USH1C: variants seen among roughly 807,000 people sequenced by gnomAD.
The protein encoded by USH1C is harmonin.
In USH1C, 90 loss-of-function variants were observed where a neutral mutation model predicts 119.3. That is an observed-to-expected ratio of 0.75 (90% CI 0.64 to 0.90). USH1C has a LOEUF of 0.90. Among genes scored for constraint, USH1C ranks in the 40% least tolerant of loss-of-function variants. USH1C has a pLI of 0.00. For missense variants in USH1C, 1,165 were observed against 1,167.7 expected, an observed-to-expected ratio of 1.00 and a Z score of 0.03; for synonymous variants, 465 against 443.3, an observed-to-expected ratio of 1.05 and a Z score of -0.62.
Position 17,520,918 on chromosome 11 carries a change from T to C in USH1C, c.1162A>G (p.Lys388Glu), listed in dbSNP as rs866125783. The part of the protein sequence containing the change: ...WGSKEQLLLP[K>E]TITAEVHPVP... ...GGGTGTACCTCAGCAGTGATGGTTT[T>C]AGGCAAGAGTAGCTGTTCCTTTGAG... Residue 388 changes from lysine (K) to glutamate (E), a missense_variant, in exon 14 of 27, where the codon AAA becomes GAA. Lys to Glu is a moderately conservative substitution (Grantham distance 56). Coordinates refer to ENST00000005226, the MANE Select transcript of USH1C (RefSeq NM_153676.4). The C allele has an allele frequency of 6.2e-7, 1 of 1,614,138 alleles. No homozygotes were observed. The highest frequency in any genetic ancestry group is 8.5e-7 in the Non-Finnish European group (1 of 1,179,998).
chr11:17,517,814 G>A (rs1850223771), intron 14 of USH1C, among the ~76,000 whole-genome samples: 1 of 152,158 alleles, frequency 6.6e-6, no homozygotes, highest in South Asian at 2.1e-4. Flanking sequence ...TCTGAGAATC[G>A]CACACGTTTG....
Position 17,522,827 on chromosome 11 carries a change from C to G in USH1C, c.976G>C (p.Glu326Gln). Residue 326 changes from glutamate to glutamine, a missense_variant, in exon 12 of 27, where the codon GAG becomes CAG. Coordinates refer to ENST00000005226, the MANE Select transcript of USH1C (RefSeq NM_153676.4). ...ELLMQKRLAM[E>Q]SNKILQEQQE... Reference sequence around the variant, plus strand: ...TGCTCCTGGAGGATCTTGTTGGACTCCATCGCCAGCCGCTTCTGCATGAGA... The same window carrying G: ...TGCTCCTGGAGGATCTTGTTGGACTGCATCGCCAGCCGCTTCTGCATGAGA... 1.2e-6 allele frequency: 2 copies of G among 1,613,800 alleles called. No individual in the cohort carries two copies. The highest frequency in any genetic ancestry group is 1.7e-6 in the Non-Finnish European group (2 of 1,179,922).
At chr11:17,538,241 C>A (rs765936865) in intron 1 of USH1C, among the ~76,000 whole-genome samples, 3 of 152,192 alleles carry the variant, frequency 2.0e-5, no homozygotes, top group Non-Finnish European at 4.4e-5. Context: ...ACTGATGTTT[C>A]TCTGGCACTG....
At chr11:17,536,000 T>C (rs112220254) in intron 1 of USH1C, among the ~76,000 whole-genome samples, 3,665 of 152,292 alleles carry the variant, frequency 0.024, 142 homozygotes, top group African/African-American at 0.084. Context: ...GGCCAAAATT[T>C]CCAACCCTTT....
chr11:17,504,080 G>A (rs919296782), intron 20 of USH1C, among the ~76,000 whole-genome samples: 17 of 152,176 alleles, frequency 1.1e-4, no homozygotes, highest in African/African-American at 3.6e-4. Flanking sequence ...AGGTACCCCA[G>A]GAGGCAGGGA....
At position 17,498,822 on chromosome 11, in the gene USH1C, C is replaced by T. The variant is rs147977765; in HGVS notation, c.2381-551G>A. On this transcript the variant is annotated intron_variant, in intron 23 of 26. Coordinates refer to ENST00000005226, the MANE Select transcript of USH1C (RefSeq NM_153676.4). ...TTCTTATTTGGCATTTTCCACAATT[C>T]GTAATCATTAATCTGTTTGTTTACT... 2.2e-3 allele frequency among the ~76,000 whole-genome samples: 331 copies of T among 152,330 alleles called. 1 individual carries two copies. The highest frequency in any genetic ancestry group is 4.0e-3 in the Non-Finnish European group (269 of 68,032).
intron 14 of USH1C, among the ~76,000 whole-genome samples, chr11:17,518,170 G>C (rs1051582946): frequency 2.0e-4 from 31 of 152,222 alleles, no homozygotes; most frequent in Middle Eastern, 3.2e-3. Flanking sequence ...ATTGGCCTAT[G>C]CAAAGGCTGT....
At chr11:17,512,878 T>C (rs868414782) in intron 15 of USH1C, among the ~76,000 whole-genome samples, 48 of 152,168 alleles carry the variant, frequency 3.2e-4, no homozygotes, top group African/African-American at 1.1e-3. Context: ...GAAAGGCAAA[T>C]AGACTCCTTA....
chr11:17,531,688 C>A lies in USH1C; in HGVS notation c.105-146G>T. 2.0e-6 allele frequency: 2 copies of A among 1,024,444 alleles called. No homozygotes were observed. The highest frequency in any genetic ancestry group is 2.9e-5 in the South Asian group (2 of 69,154). 63.5% of individuals were successfully genotyped at this position (1,024,444 alleles called of 1,614,324 possible). On this transcript the variant is annotated intron_variant, in intron 2 of 26. Transcript: ENST00000005226. This position sits in a 1 kb window ranked among gnomAD's most constrained non-coding sequence, Gnocchi z 4.2. Reference sequence around the variant, plus strand: ...CCTGAAAAGCCCAGAGCTCTTCACACCGGGCCAGTGCCTGAGAAGACTTTG... The same window carrying A: ...CCTGAAAAGCCCAGAGCTCTTCACAACGGGCCAGTGCCTGAGAAGACTTTG...
chr11:17,501,692 C>A (rs1420913696), intron 21 of USH1C, among the ~76,000 whole-genome samples, 157 bp from the exon 22 acceptor site: 1 of 152,136 alleles, frequency 6.6e-6, no homozygotes, highest in Non-Finnish European at 1.5e-5. Context: ...TGGTCTTCAA[C>A]TGGGGGTCCC....
At position 17,543,683 on chromosome 11, in the gene USH1C, A is replaced by G. The variant is rs548285046; in HGVS notation, c.36+589T>C. On this transcript the variant is annotated intron_variant, in intron 1 of 26. Transcript: ENST00000005226. The stretch of plus-strand genomic sequence containing the variant: ...TGAAGGATCTGGCCGGCCAGAGCCC[A>G]GCTCCGACGCCCTCAGTACCTCCTC... 1.4e-4 allele frequency among the ~76,000 whole-genome samples: 21 copies of G among 152,280 alleles called. No homozygotes were observed. The South Asian group carries it at 3.9e-3, about 29-fold the overall frequency.
At chr11:17,503,825 G>A (rs576377072) in intron 20 of USH1C, among the ~76,000 whole-genome samples, 1 of 152,326 alleles carries the variant, frequency 6.6e-6, no homozygotes, top group Admixed American at 6.5e-5. Context: ...ACCACCCAGG[G>A]TTGCTGGAAA....
chr11:17,500,600 G>A (rs114337826), intron 23 of USH1C, among the ~76,000 whole-genome samples: 1,753 of 152,132 alleles, frequency 0.012, 38 homozygotes, highest in African/African-American at 0.041. Context: ...CCTCTTCCTC[G>A]AAAGCCCTTT....
intron 15 of USH1C, 111 bp from the exon 16 acceptor site, chr11:17,512,165 C>T: frequency 1.6e-6 from 2 of 1,237,212 alleles, no homozygotes; most frequent in Non-Finnish European, 1.2e-6. Context: ...GTGAGCCCCT[C>T]CCCCAGCTCT....
intron 14 of USH1C, among the ~76,000 whole-genome samples, chr11:17,519,131 C>A (rs1313845911): frequency 2.6e-5 from 4 of 152,174 alleles, no homozygotes; most frequent in African/African-American, 9.7e-5. Flanking sequence ...TAGGAGCTGG[C>A]TGGGGCCCAG....
At chr11:17,517,198 T>C (rs1188740695) in intron 14 of USH1C, among the ~76,000 whole-genome samples, 2 of 152,182 alleles carry the variant, frequency 1.3e-5, no homozygotes, top group Non-Finnish European at 2.9e-5. Flanking sequence ...CAACAGCTGA[T>C]CTACCAGCCT....
At chr11:17,537,422 A>G (rs1350644631) in intron 1 of USH1C, among the ~76,000 whole-genome samples, 1 of 152,172 alleles carries the variant, frequency 6.6e-6, no homozygotes, top group African/African-American at 2.4e-5. Context: ...ACCCAGAACC[A>G]TGTCATGCAC....
chr11:17,520,265 G>T (rs1850351188), intron 14 of USH1C, among the ~76,000 whole-genome samples: 2 of 152,172 alleles, frequency 1.3e-5, no homozygotes, highest in South Asian at 4.1e-4. Context: ...GAAGAGAGGA[G>T]ATGGTAAGGA....
Position 17,521,407 on chromosome 11 carries a change from T to C in USH1C, c.1024A>G (p.Arg342Gly). 1 of 1,614,132 alleles carries C rather than the reference T, an allele frequency of 6.2e-7. No individual in the cohort carries two copies. Among genetic ancestry groups the C allele is most frequent in the African/African-American group, 1.3e-5 (1 of 75,032 alleles). Reference sequence around the variant, plus strand: ...GCTGCCTTCTGGGCAATTTCTTTTCTCCTTCTGAAACACAAATGCAGATTG... The same window carrying C: ...GCTGCCTTCTGGGCAATTTCTTTTCCCCTTCTGAAACACAAATGCAGATTG... ...QEQQEMERQRRKEIAQKAAEE... is the reference protein window; with the variant it reads ...QEQQEMERQRGKEIAQKAAEE... The change falls in exon 13 of 27, where the codon AGA becomes GGA. Residue 342 changes from arginine to glycine, a missense_variant. Coordinates refer to ENST00000005226, the MANE Select transcript of USH1C (RefSeq NM_153676.4).
Sources: gnomAD v4.1 joint callset for allele counts (sites outside exome capture counted in the v4.1 genomes callset) on GRCh38, gnomAD v4.1.1 for gene constraint, Gnocchi (gnomAD v3.1) non-coding constraint, MANE v1.5 for transcripts, NCBI Gene and HGNC (gene_info 2026-07-23, HGNC 2026-07-21) for gene names.